Variants in LRP1B observed in about 807,000 individuals in gnomAD.
The protein encoded by LRP1B is LDL receptor related protein 1B.
In LRP1B, 217 loss-of-function variants were observed where a neutral mutation model predicts 556.6. That is an observed-to-expected ratio of 0.39 (90% CI 0.35 to 0.44). The LOEUF is 0.44. LRP1B is among the 20% of genes least tolerant of loss of function. LRP1B has a pLI of 1.00. For missense variants in LRP1B, 5,053 were observed against 5,620.8 expected, an observed-to-expected ratio of 0.90 and a Z score of 3.23; for synonymous variants, 2,047 against 1,865.8, an observed-to-expected ratio of 1.10 and a Z score of -2.50.
At chr2:141,845,357 C>A (rs866588762) in intron 1 of LRP1B, among the ~76,000 whole-genome samples, 3 of 151,738 alleles carry the variant, frequency 2.0e-5, no homozygotes, top group Middle Eastern at 3.4e-3. Flanking sequence ...TGGAAGAATT[C>A]ATAGAAAAAA....
intron 2 of LRP1B, among the ~76,000 whole-genome samples, chr2:141,508,631 T>C (rs1450761223): frequency 3.4e-5 from 4 of 116,694 alleles, no homozygotes; most frequent in Non-Finnish European, 7.1e-5. Context: ...TAAAAGACAA[T>C]TATCCTGACA....
intron 35 of LRP1B, among the ~76,000 whole-genome samples, chr2:140,740,473 C>T (rs914051982): frequency 6.6e-5 from 10 of 151,954 alleles, no homozygotes; most frequent in South Asian, 2.1e-4. Flanking sequence ...GATGCAAAGG[C>T]GTAAGAATGA....
intron 2 of LRP1B, among the ~76,000 whole-genome samples, chr2:141,796,336 T>C (rs887970079): frequency 6.6e-6 from 1 of 152,150 alleles, no homozygotes; most frequent in Non-Finnish European, 1.5e-5. Flanking sequence ...ACCTTGAAGG[T>C]AAACTATTTG....
intron 17 of LRP1B, among the ~76,000 whole-genome samples, chr2:140,986,113 T>G (rs905066520): frequency 3.3e-5 from 5 of 151,132 alleles, no homozygotes; most frequent in African/African-American, 7.3e-5. Context: ...AATTTAGTGG[T>G]TTTTTTTTCC....
At chr2:140,800,507 G>A (rs180921975) in intron 32 of LRP1B, among the ~76,000 whole-genome samples, 2 of 152,262 alleles carry the variant, frequency 1.3e-5, no homozygotes, top group East Asian at 1.9e-4. Context: ...TTAAGGGTAC[G>A]TCTCTTAGGG....
chr2:141,179,540 A>T (rs540794207), intron 7 of LRP1B, among the ~76,000 whole-genome samples: 3 of 152,144 alleles, frequency 2.0e-5, no homozygotes, highest in Admixed American at 2.0e-4. Context: ...GGTACATTTT[A>T]TCTGTAGTTA....
intron 43 of LRP1B, among the ~76,000 whole-genome samples, chr2:140,568,352 A>T (rs959379149): frequency 6.6e-6 from 1 of 151,950 alleles, no homozygotes; most frequent in Non-Finnish European, 1.5e-5. Flanking sequence ...AAAAAATATA[A>T]CTGAGAGTTT....
chr2:141,316,509 C>A (rs543552102), intron 3 of LRP1B, among the ~76,000 whole-genome samples: 1 of 152,056 alleles, frequency 6.6e-6, no homozygotes, highest in African/African-American at 2.4e-5. Flanking sequence ...ACCAAGAAAA[C>A]AAAACAGAAA....
At chr2:141,828,837 A>G (rs1375821601) in intron 1 of LRP1B, among the ~76,000 whole-genome samples, 3 of 152,102 alleles carry the variant, frequency 2.0e-5, no homozygotes, top group Admixed American at 6.6e-5. Context: ...GACTTTAAAA[A>G]TCAATAACTG....
intron 32 of LRP1B, among the ~76,000 whole-genome samples, chr2:140,798,396 C>T (rs35027393): frequency 6.6e-6 from 1 of 152,120 alleles, no homozygotes; most frequent in East Asian, 1.9e-4. Context: ...TCTTCCTACC[C>T]TTCTCTGCCC....
chr2:140,267,418 GT>G (rs1319989295), intron 86 of LRP1B, among the ~76,000 whole-genome samples: 1 of 151,830 alleles, frequency 6.6e-6, no homozygotes, highest in East Asian at 1.9e-4. Flanking sequence ...ATGGCATTGT[GT>G]TTGCATATAA....
chr2:140,917,577 G>T (rs977655754), intron 21 of LRP1B, among the ~76,000 whole-genome samples: 5 of 152,116 alleles, frequency 3.3e-5, no homozygotes, highest in African/African-American at 1.2e-4. Context: ...CAAGGTGAAA[G>T]AAGTCAATAT....
intron 25 of LRP1B, among the ~76,000 whole-genome samples, chr2:140,883,030 T>C (rs914474126): frequency 6.6e-5 from 10 of 152,190 alleles, no homozygotes; most frequent in African/African-American, 2.2e-4. Flanking sequence ...CTCCCATGTA[T>C]ATCATCTCCT....
At chr2:140,933,443 C>T (rs1695112898) in intron 20 of LRP1B, among the ~76,000 whole-genome samples, 1 of 151,838 alleles carries the variant, frequency 6.6e-6, no homozygotes, top group South Asian at 2.1e-4. Flanking sequence ...TTGCTGAATG[C>T]CTGAAATCCT....
intron 2 of LRP1B, among the ~76,000 whole-genome samples, chr2:141,494,883 G>C (rs1683461352): frequency 6.6e-6 from 1 of 151,164 alleles, no homozygotes; most frequent in African/African-American, 2.4e-5. Context: ...TAGCGGTAAT[G>C]ACACTAAACT....
intron 86 of LRP1B, among the ~76,000 whole-genome samples, chr2:140,270,024 G>A (rs192993862): frequency 6.6e-6 from 1 of 151,944 alleles, no homozygotes; most frequent in Non-Finnish European, 1.5e-5. Context: ...GAAATGGTAC[G>A]ATGCTGAGAA....
intron 1 of LRP1B, among the ~76,000 whole-genome samples, chr2:141,892,159 A>G (rs1471048565): frequency 2.0e-5 from 3 of 152,048 alleles, no homozygotes; most frequent in Non-Finnish European, 4.4e-5. Context: ...ACTGGAAATA[A>G]ATGTAATGAA....
At chr2:140,760,821 G>A (rs916078528) in intron 35 of LRP1B, among the ~76,000 whole-genome samples, 46 of 152,080 alleles carry the variant, frequency 3.0e-4, no homozygotes, top group African/African-American at 9.2e-4. Context: ...CCCGGGAGGC[G>A]GAAGTTGCAG....
chr2:141,744,024 CT>C (rs1452220902), intron 2 of LRP1B, among the ~76,000 whole-genome samples: 1 of 150,760 alleles, frequency 6.6e-6, no homozygotes, highest in African/African-American at 2.4e-5. Flanking sequence ...TATTTCTTTT[CT>C]TCTATTTATT....
Sources: allele counts gnomAD v4.1 joint callset (sites outside exome capture counted in the v4.1 genomes callset), GRCh38; gene constraint gnomAD v4.1.1; transcripts MANE v1.5; gene names NCBI Gene and HGNC (gene_info 2026-07-23, HGNC 2026-07-21).